The following RPP30 variants were observed in gnomAD, a reference collection of about 807,000 sequenced individuals.
The protein encoded by RPP30 is ribonuclease P protein subunit p30.
A neutral mutation model predicts 38.6 loss-of-function variants in RPP30; 36 were observed. That is an observed-to-expected ratio of 0.93 (90% CI 0.71 to 1.23). RPP30 has a LOEUF of 1.23. RPP30 is among the 50% of genes most tolerant of loss of function. RPP30 has a pLI of 0.00. For missense variants in RPP30, 321 were observed against 321.7 expected, an observed-to-expected ratio of 1.00 and a Z score of 0.02; for synonymous variants, 126 against 112.7, an observed-to-expected ratio of 1.12 and a Z score of -0.75.
At chr10:90,904,417 T>C (rs576547437), downstream of RPP30, among the ~76,000 whole-genome samples, 11 of 152,346 alleles carry the variant, frequency 7.2e-5, no homozygotes, top group African/African-American at 2.6e-4. Context: ...AACCTCTCTG[T>C]GCCTCGCTTC....
downstream of RPP30, among the ~76,000 whole-genome samples, chr10:90,907,784 CTCA>C (rs1847269258): frequency 6.6e-6 from 1 of 152,142 alleles, no homozygotes; most frequent in African/African-American, 2.4e-5. Flanking sequence ...TTATAGAAGC[CTCA>C]TCATCTTAGA....
chr10:90,896,234 G>T, intron 9 of RPP30, 79 bp from the exon 10 acceptor site: 1 of 1,257,006 alleles, frequency 8.0e-7, no homozygotes, highest in Non-Finnish European at 1.2e-6. Context: ...GACCAGGTTA[G>T]CTGGCACTTT....
At chr10:90,883,799 A>G (rs764251229) in intron 5 of RPP30, among the ~76,000 whole-genome samples, 2 of 152,248 alleles carry the variant, frequency 1.3e-5, no homozygotes, top group African/African-American at 2.4e-5. Flanking sequence ...TACATTCACA[A>G]TGATTAATTT....
At chr10:90,907,984 A>G (rs1307492683), downstream of RPP30, among the ~76,000 whole-genome samples, 1 of 152,238 alleles carries the variant, frequency 6.6e-6, no homozygotes, top group Non-Finnish European at 1.5e-5. Flanking sequence ...TATATGAGCA[A>G]TACAGCCTAT....
At chr10:90,880,406 TTTGTTG>T (rs1339475814) in intron 5 of RPP30, among the ~76,000 whole-genome samples, 1 of 152,120 alleles carries the variant, frequency 6.6e-6, no homozygotes, top group African/African-American at 2.4e-5. Flanking sequence ...GCCTACTCTT[TTTGTTG>T]TTGTTGTTAC....
downstream of RPP30, among the ~76,000 whole-genome samples, chr10:90,902,768 T>C (rs1847217973): frequency 6.6e-6 from 1 of 152,202 alleles, no homozygotes; most frequent in Admixed American, 6.5e-5. Flanking sequence ...AAAAGCATTT[T>C]TGACTACCGC....
intron 9 of RPP30, 71 bp downstream of exon 9, chr10:90,895,988 G>A: frequency 8.6e-7 from 1 of 1,157,328 alleles, no homozygotes; most frequent in Non-Finnish European, 1.3e-6. Context: ...TCGTATTATA[G>A]TTGAACATGT....
rs1212830916 is a variant in RPP30, at chr10:90,901,788, A to G, written c.*1109A>G. The stretch of plus-strand genomic sequence containing the variant: ...ATAAGAAATTTTTTTAAGCAAGAGA[A>G]AGACAACTGTTCTGCGGGTTGGAGA... On this transcript the variant is annotated 3_prime_UTR_variant, in exon 11 of 11. Coordinates refer to ENST00000371703, the MANE Select transcript of RPP30 (RefSeq NM_006413.5). The G allele has an allele frequency of 3.0e-6, 3 of 984,952 alleles. No individual in the cohort carries two copies. The highest frequency in any genetic ancestry group is 3.6e-6 in the Non-Finnish European group (3 of 829,584). 61.0% of individuals were successfully genotyped at this position (984,952 alleles called of 1,614,324 possible). A position where few individuals can be genotyped will look rare whatever the true frequency, so the allele number is the denominator to read the frequency against.
chr10:90,895,601 C>A, intron 8 of RPP30, 118 bp downstream of exon 8: 2 of 617,250 alleles, frequency 3.2e-6, no homozygotes, highest in Non-Finnish European at 5.3e-6. Flanking sequence ...ATTTTAACTG[C>A]ATTTGCTCAT....
chr10:90,886,739 C>T (rs1040270885), intron 6 of RPP30, among the ~76,000 whole-genome samples: 8 of 152,136 alleles, frequency 5.3e-5, no homozygotes, highest in African/African-American at 1.7e-4. Flanking sequence ...AAGAGTTTAG[C>T]AAATACAGTC....
intron 3 of RPP30, 101 bp from the exon 4 acceptor site, chr10:90,875,923 C>T: frequency 2.9e-6 from 2 of 694,900 alleles, no homozygotes; most frequent in South Asian, 1.8e-5. Context: ...TCTTCACTAT[C>T]CCTTATAGCC....
intron 1 of RPP30, 48 bp from the exon 2 acceptor site, chr10:90,874,821 A>G: frequency 1.5e-6 from 2 of 1,305,948 alleles, no homozygotes; most frequent in Non-Finnish European, 2.2e-6. Flanking sequence ...TGTTACAGGA[A>G]GGAGAGGTTG....
chr10:90,903,073 T>G (rs1847220847), downstream of RPP30: 7 of 679,454 alleles, frequency 1.0e-5, no homozygotes, highest in African/African-American at 1.8e-5. Context: ...TGGAAAAGAG[T>G]CATTACAAAG....
chr10:90,891,639 A>G (rs774280950), intron 6 of RPP30, among the ~76,000 whole-genome samples: 1 of 152,222 alleles, frequency 6.6e-6, no homozygotes, highest in Non-Finnish European at 1.5e-5. Flanking sequence ...GATACTCTAC[A>G]ACTGTAAAAC....
intron 3 of RPP30, 85 bp downstream of exon 3, chr10:90,875,699 C>G (rs1846842501): frequency 8.8e-7 from 1 of 1,133,030 alleles, no homozygotes; most frequent in South Asian, 1.2e-5. Flanking sequence ...CTAGCTTGAG[C>G]TGCACCTTAC....
intron 1 of RPP30, among the ~76,000 whole-genome samples, chr10:90,873,644 A>G (rs1846812395): frequency 1.3e-5 from 2 of 152,204 alleles, no homozygotes; most frequent in Non-Finnish European, 2.9e-5. Flanking sequence ...ACATTTCTGT[A>G]GAACGGTAGG....
At chr10:90,898,992 A>T (rs1173507854) in intron 10 of RPP30, among the ~76,000 whole-genome samples, 1 of 152,256 alleles carries the variant, frequency 6.6e-6, no homozygotes, top group African/African-American at 2.4e-5. Context: ...GATTAAAGGA[A>T]ATACTATATG....
chr10:90,878,943 G>A (rs1304577787), intron 4 of RPP30, 120 bp from the exon 5 acceptor site: 1 of 657,912 alleles, frequency 1.5e-6, no homozygotes, highest in Non-Finnish European at 2.4e-6. Flanking sequence ...AAGCAAAGCA[G>A]AAATGTCAGT....
downstream of RPP30, among the ~76,000 whole-genome samples, chr10:90,904,610 C>G (rs1847234633): frequency 6.6e-6 from 1 of 152,134 alleles, no homozygotes; most frequent in African/African-American, 2.4e-5. Flanking sequence ...GTCAGGAGTT[C>G]AAGACCAGCC....
Sources: gnomAD v4.1 joint callset for allele counts (sites outside exome capture counted in the v4.1 genomes callset) on GRCh38, gnomAD v4.1.1 for gene constraint, MANE v1.5 for transcripts, NCBI Gene and HGNC (gene_info 2026-07-23, HGNC 2026-07-21) for gene names.